Variants in ATXN7L1 observed in about 807,000 individuals in gnomAD.
ATXN7L1 encodes ataxin-7-like protein 1.
In ATXN7L1, 15 loss-of-function variants were observed where a neutral mutation model predicts 70.8. The observed-to-expected ratio is 0.21, with a 90% CI of 0.14 to 0.33. ATXN7L1 has a LOEUF of 0.33. Ranked by LOEUF, ATXN7L1 falls within the 10% of genes least tolerant of loss-of-function variation. ATXN7L1 has a pLI of 1.00. For missense variants in ATXN7L1, 975 were observed against 1,097.1 expected (o/e 0.89, Z 1.57); for synonymous variants, 440 against 445.1 (o/e 0.99, Z 0.14).
intron 3 of ATXN7L1, among the ~76,000 whole-genome samples, chr7:105,736,541 T>C (rs1285936760): frequency 6.6e-6 from 1 of 152,104 alleles, no homozygotes; most frequent in Non-Finnish European, 1.5e-5. Flanking sequence ...TGATGGGAGA[T>C]TTGGCACATC....
At chr7:105,671,104 CAAAAAAAAAAAAAAA>C (rs71155469) in intron 3 of ATXN7L1, among the ~76,000 whole-genome samples, 1 of 89,706 alleles carries the variant, frequency 1.1e-5, no homozygotes. Context: ...GACTACGTCT[CAAAAAAAAAAAAAAA>C]AAAAAAAAAA....
chr7:105,857,559 G>A (rs1264915596), intron 2 of ATXN7L1, among the ~76,000 whole-genome samples: 1 of 152,190 alleles, frequency 6.6e-6, no homozygotes, highest in East Asian at 1.9e-4. Context: ...CACTCATCAT[G>A]ACTTCCCATT....
chr7:105,764,262 A>G (rs1176579545), intron 3 of ATXN7L1, among the ~76,000 whole-genome samples: 1 of 151,744 alleles, frequency 6.6e-6, no homozygotes, highest in African/African-American at 2.4e-5. Context: ...TCAGACAGAG[A>G]TAGATGTCAA....
At chr7:105,696,432 C>T (rs1434894229) in intron 3 of ATXN7L1, among the ~76,000 whole-genome samples, 5 of 152,152 alleles carry the variant, frequency 3.3e-5, no homozygotes, top group East Asian at 1.9e-4. Context: ...AATATTTCCA[C>T]GTAACATGTG....
intron 3 of ATXN7L1, among the ~76,000 whole-genome samples, chr7:105,771,613 C>T (rs1243600264): frequency 6.6e-6 from 1 of 152,106 alleles, no homozygotes; most frequent in Non-Finnish European, 1.5e-5. Context: ...ATCAGGGTGC[C>T]TCTAATCCCC....
intron 3 of ATXN7L1, among the ~76,000 whole-genome samples, chr7:105,726,888 C>T (rs1795879035): frequency 6.6e-6 from 1 of 152,200 alleles, no homozygotes; most frequent in Non-Finnish European, 1.5e-5. Context: ...CTGGGTAGAC[C>T]ATTATAGACA....
chr7:105,617,119 C>T (rs1436420330), intron 9 of ATXN7L1, among the ~76,000 whole-genome samples: 5 of 152,010 alleles, frequency 3.3e-5, no homozygotes, highest in Non-Finnish European at 2.9e-5. Context: ...CTCCGCCTCC[C>T]GGGTTCACGC....
At chr7:105,780,256 C>A (rs547135048) in intron 3 of ATXN7L1, among the ~76,000 whole-genome samples, 5 of 152,290 alleles carry the variant, frequency 3.3e-5, no homozygotes, top group African/African-American at 9.6e-5. Context: ...TTCTCAGTAT[C>A]CAACCAGCAT....
chr7:105,789,446 C>A (rs1406369215), intron 2 of ATXN7L1, among the ~76,000 whole-genome samples: 1 of 152,142 alleles, frequency 6.6e-6, no homozygotes, highest in Non-Finnish European at 1.5e-5. Flanking sequence ...AGGAGACACA[C>A]GGGGTCCCCT....
At chr7:105,733,545 T>A (rs201736107) in intron 3 of ATXN7L1, among the ~76,000 whole-genome samples, 4 of 128,756 alleles carry the variant, frequency 3.1e-5, no homozygotes, top group African/African-American at 9.2e-5. Flanking sequence ...CATCCACCCA[T>A]CCATCCATCC....
chr7:105,618,000 C>A (rs544613793), intron 9 of ATXN7L1: 2 of 456,750 alleles, frequency 4.4e-6, no homozygotes, highest in Non-Finnish European at 8.8e-6. Context: ...AGAGTTGACA[C>A]CCAGGCAGCC....
chr7:105,726,068 A>G (rs1224050039), intron 3 of ATXN7L1, among the ~76,000 whole-genome samples: 1 of 150,492 alleles, frequency 6.6e-6, no homozygotes, highest in Non-Finnish European at 1.5e-5. Flanking sequence ...CACCCAGCTA[A>G]TTTTTGTATT....
chr7:105,820,347 G>A (rs919176462), intron 2 of ATXN7L1, among the ~76,000 whole-genome samples: 2 of 152,120 alleles, frequency 1.3e-5, no homozygotes, highest in Admixed American at 1.3e-4. Flanking sequence ...TTTCTAGAGC[G>A]CAAGGCTTTT....
chr7:105,677,712 T>A (rs1177149392), intron 3 of ATXN7L1, among the ~76,000 whole-genome samples: 1 of 152,218 alleles, frequency 6.6e-6, no homozygotes, highest in Non-Finnish European at 1.5e-5. Flanking sequence ...GTAGCTTTCC[T>A]CAGTAGGCAG....
At chr7:105,837,801 G>A (rs1812626561) in intron 2 of ATXN7L1, among the ~76,000 whole-genome samples, 1 of 152,138 alleles carries the variant, frequency 6.6e-6, no homozygotes, top group African/African-American at 2.4e-5. Context: ...CACTCACATG[G>A]CGAGCCCGAT....
rs1325095083 is a variant in ATXN7L1 at position 105,665,054 on chromosome 7, CAGCT to C, written c.578+8_578+11del. On this transcript the variant is annotated splice_region_variant and intron_variant, in intron 4 of 11. Coordinates refer to ENST00000419735, the MANE Select transcript of ATXN7L1 (RefSeq NM_020725.2). ...GGACAGACAGCAGCTGGCTGCCAGC[CAGCT>C]GACTCACCATGGTTTATCCCTTGAT... 1.3e-6 allele frequency: 2 copies of C among 1,548,076 alleles called. No homozygotes were observed. The highest frequency in any genetic ancestry group is 1.7e-6 in the Non-Finnish European group (2 of 1,145,114).
chr7:105,633,729 A>G (rs1419535144), intron 7 of ATXN7L1, among the ~76,000 whole-genome samples: 1 of 152,172 alleles, frequency 6.6e-6, no homozygotes, highest in African/African-American at 2.4e-5. Flanking sequence ...TCAAAACAAC[A>G]ATAACAACAA....
rs200881083 is a variant in ATXN7L1 at position 105,752,345 on chromosome 7, G to A, written c.355+36259C>T. On this transcript the variant is annotated intron_variant, in intron 3 of 11. Transcript: ENST00000419735. ...CAGAAGGTGGAACAGTTGCAGGCCC[G>A]GCTGGCAAATGAGTGACAACGTATG... Among the ~76,000 whole-genome samples the A allele has an allele frequency of 8.5e-5, 13 of 152,200 alleles. No individual in the cohort carries two copies. In the East Asian group the frequency reaches 1.9e-3, roughly 23 times the overall value.
intron 2 of ATXN7L1, among the ~76,000 whole-genome samples, chr7:105,841,829 T>C (rs1381406284): frequency 1.3e-5 from 2 of 152,224 alleles, no homozygotes. Flanking sequence ...CAGGGTTTAG[T>C]ACTATCTGTG....
Sources: allele counts gnomAD v4.1 joint callset (sites outside exome capture counted in the v4.1 genomes callset), GRCh38; gene constraint gnomAD v4.1.1; transcripts MANE v1.5; gene names NCBI Gene and HGNC (gene_info 2026-07-23, HGNC 2026-07-21).